Variants in SYNPR observed in about 807,000 individuals in gnomAD.
SYNPR encodes synaptoporin.
In SYNPR, 23 loss-of-function variants were observed where a neutral mutation model predicts 32.9. That is an observed-to-expected ratio of 0.70 (90% CI 0.50 to 0.99). The LOEUF is 0.99. SYNPR is among the 50% of genes least tolerant of loss of function. The pLI is 0.00. For synonymous variants in SYNPR, 146 were observed against 135.9 expected (o/e 1.07, Z -0.52); for missense variants, 318 against 349.3 (o/e 0.91, Z 0.71).
At chr3:63,219,000 C>T in the SYNPR span, among the ~76,000 whole-genome samples, 2 of 152,120 alleles carry the variant, frequency 1.3e-5, no homozygotes, top group Non-Finnish European at 2.9e-5. Flanking sequence ...GCAGTTCTTG[C>T]TTAGAGTCTA....
intron 1 of SYNPR, among the ~76,000 whole-genome samples, chr3:63,245,125 C>T (rs1364601243): frequency 1.3e-5 from 2 of 152,016 alleles, no homozygotes; most frequent in African/African-American, 2.4e-5. Context: ...TTTATTCTTT[C>T]CAAAATTTTA....
intron 3 of SYNPR, among the ~76,000 whole-genome samples, chr3:63,503,165 T>A (rs9866272): frequency 3.0e-4 from 45 of 152,052 alleles, no homozygotes; most frequent in African/African-American, 9.6e-4. Flanking sequence ...TAATTGTATC[T>A]CATTCTTTTA....
chr3:63,422,187 C>G (rs1328393557), intron 2 of SYNPR, among the ~76,000 whole-genome samples: 1 of 152,162 alleles, frequency 6.6e-6, no homozygotes, highest in Non-Finnish European at 1.5e-5. Flanking sequence ...TTACCACACC[C>G]AGGATCAGAA....
intron 2 of SYNPR, among the ~76,000 whole-genome samples, chr3:63,266,864 C>T (rs532671247): frequency 8.6e-5 from 13 of 151,900 alleles, no homozygotes; most frequent in Non-Finnish European, 1.8e-4. Context: ...GTCCATGGTA[C>T]TCTTAGGGAA....
chr3:63,554,205 GA>G (rs1456259787), intron 3 of SYNPR, among the ~76,000 whole-genome samples: 1 of 152,164 alleles, frequency 6.6e-6, no homozygotes, highest in Non-Finnish European at 1.5e-5. Flanking sequence ...TTCCTGTGCA[GA>G]AACTCTTCAG....
upstream of SYNPR, among the ~76,000 whole-genome samples, chr3:63,273,589 A>G (rs7653341): frequency 0.29 from 43,752 of 152,104 alleles, 6,672 homozygotes; most frequent in South Asian, 0.47. Flanking sequence ...CAAGCCTAAC[A>G]TAACTTACAA....
chr3:63,456,515 T>C (rs114900850), intron 2 of SYNPR, among the ~76,000 whole-genome samples: 1,548 of 152,188 alleles, frequency 0.01, 32 homozygotes, highest in African/African-American at 0.036. Context: ...CTATGTTAAA[T>C]AAATTTAATC....
At chr3:63,411,315 ATGTCCTCTTAGATCTGT>A (rs1372713027) in intron 2 of SYNPR, among the ~76,000 whole-genome samples, 2 of 152,144 alleles carry the variant, frequency 1.3e-5, no homozygotes, top group African/African-American at 4.8e-5. Flanking sequence ...CTGCTGGCCT[ATGTCCTCTTAGATCTGT>A]TTGTGCAGTC....
chr3:63,393,138 C>T (rs913165934), intron 2 of SYNPR, among the ~76,000 whole-genome samples: 1 of 152,188 alleles, frequency 6.6e-6, no homozygotes, highest in African/African-American at 2.4e-5. Flanking sequence ...ACCTAAAGCA[C>T]TCATTGAAAA....
chr3:63,382,833 T>C (rs2087989446), intron 2 of SYNPR, among the ~76,000 whole-genome samples: 1 of 152,314 alleles, frequency 6.6e-6, no homozygotes, highest in South Asian at 2.1e-4. Context: ...ACCTCTTGCC[T>C]TTTTCTCATT....
intron 3 of SYNPR, among the ~76,000 whole-genome samples, chr3:63,484,281 A>C (rs186747380): frequency 6.6e-6 from 1 of 152,230 alleles, no homozygotes; most frequent in Admixed American, 6.5e-5. Flanking sequence ...CTATTACTTA[A>C]CTGTTTTCTC....
chr3:63,449,259 T>C (rs553363650), intron 2 of SYNPR, among the ~76,000 whole-genome samples: 3 of 152,310 alleles, frequency 2.0e-5, no homozygotes, highest in Admixed American at 1.3e-4. Flanking sequence ...CTCACTCATC[T>C]ATCTATTCAA....
At chr3:63,253,325 C>T (rs376613900) in intron 2 of SYNPR, among the ~76,000 whole-genome samples, 1 of 152,044 alleles carries the variant, frequency 6.6e-6, no homozygotes, top group African/African-American at 2.4e-5. Flanking sequence ...TGATTGTTCT[C>T]CAAGCTCTGA....
intron 3 of SYNPR, among the ~76,000 whole-genome samples, chr3:63,270,868 CTTCCTTCCT>C (rs2086528165): frequency 2.5e-5 from 1 of 40,644 alleles, no homozygotes; most frequent in African/African-American, 7.4e-5. Flanking sequence ...TCTTTCCTTC[CTTCCTTCCT>C]TCCTTCCTTC....
chr3:63,292,356 T>C (rs1294091456), intron 2 of SYNPR, among the ~76,000 whole-genome samples: 2 of 152,218 alleles, frequency 1.3e-5, no homozygotes, highest in Non-Finnish European at 2.9e-5. Context: ...CTTGTTTGTG[T>C]TGGGAACATT....
At chr3:63,319,706 A>G (rs1030164501) in intron 2 of SYNPR, among the ~76,000 whole-genome samples, 11 of 152,082 alleles carry the variant, frequency 7.2e-5, no homozygotes, top group African/African-American at 2.4e-4. Flanking sequence ...GCCTAAAACA[A>G]TCTACAGAGT....
At chr3:63,458,156 T>C (rs970101218) in intron 2 of SYNPR, among the ~76,000 whole-genome samples, 2 of 152,176 alleles carry the variant, frequency 1.3e-5, no homozygotes, top group African/African-American at 4.8e-5. Context: ...GCTAGCAAAA[T>C]TAATTCCTCC....
intron 2 of SYNPR, among the ~76,000 whole-genome samples, chr3:63,334,572 A>G (rs995026464): frequency 2.1e-4 from 32 of 151,576 alleles, no homozygotes; most frequent in African/African-American, 6.8e-4. Context: ...ACACGTGGAC[A>G]GGCAGATGAT....
At chr3:63,524,225 G>C (rs1226126528) in intron 3 of SYNPR, among the ~76,000 whole-genome samples, 2 of 152,012 alleles carry the variant, frequency 1.3e-5, no homozygotes, top group African/African-American at 2.4e-5. Context: ...ATACAAAAAA[G>C]GTAGCAGAAT....
Sources: gnomAD v4.1 joint callset for allele counts (sites outside exome capture counted in the v4.1 genomes callset) on GRCh38, gnomAD v4.1.1 for gene constraint, MANE v1.5 for transcripts, NCBI Gene and HGNC (gene_info 2026-07-23, HGNC 2026-07-21) for gene names.